The following HACD2 variants were observed in gnomAD, a reference collection of about 807,000 sequenced individuals.
HACD2 encodes the protein very-long-chain (3R)-3-hydroxyacyl-CoA dehydratase 2.
HACD2 carries 15 observed loss-of-function variants against 31.0 expected under a neutral mutation model. The observed-to-expected ratio is 0.48, with a 90% CI of 0.32 to 0.75. The LOEUF (loss-of-function observed/expected upper bound fraction) is 0.75, where lower values mean the gene tolerates loss of function less well. HACD2 is among the 30% of genes least tolerant of loss of function. HACD2 has a pLI of 0.03. For synonymous variants in HACD2, 115 were observed against 122.2 expected (o/e 0.94, Z 0.39); for missense variants, 283 against 313.0 (o/e 0.90, Z 0.72).
intron 6 of HACD2, among the ~76,000 whole-genome samples, chr3:123,496,783 C>A (rs185519219): frequency 2.0e-5 from 3 of 152,334 alleles, no homozygotes; most frequent in South Asian, 2.1e-4. Context: ...TGGGCATGCA[C>A]AAGACCTTCC....
At chr3:123,568,967 C>G (rs2056824034) in intron 2 of HACD2, among the ~76,000 whole-genome samples, 1 of 152,032 alleles carries the variant, frequency 6.6e-6, no homozygotes, top group Non-Finnish European at 1.5e-5. Flanking sequence ...CATATTATTT[C>G]ATTGTGCATT....
chr3:123,578,392 T>G (rs1201288279), intron 2 of HACD2, among the ~76,000 whole-genome samples: 1 of 152,112 alleles, frequency 6.6e-6, no homozygotes, highest in African/African-American at 2.4e-5. Context: ...CACCTCAGTC[T>G]CCTGATTAGC....
intron 4 of HACD2, among the ~76,000 whole-genome samples, chr3:123,522,340 A>G (rs1434219870): frequency 6.7e-6 from 1 of 148,226 alleles, no homozygotes; most frequent in Non-Finnish European, 1.5e-5. Flanking sequence ...AACAAAAAAA[A>G]AAAAAAAAAG....
chr3:123,497,437 C>G (rs1034660080), intron 6 of HACD2, among the ~76,000 whole-genome samples: 11 of 152,188 alleles, frequency 7.2e-5, no homozygotes, highest in African/African-American at 2.7e-4. Flanking sequence ...GGGCTCTCTT[C>G]CCCTCTGGGG....
chr3:123,521,993 C>A (rs1279071781), intron 4 of HACD2, among the ~76,000 whole-genome samples: 3 of 152,010 alleles, frequency 2.0e-5, no homozygotes, highest in Non-Finnish European at 4.4e-5. Flanking sequence ...GAGAAAGATG[C>A]AACATGGGAT....
intron 6 of HACD2, among the ~76,000 whole-genome samples, chr3:123,496,199 T>A (rs1262768141): frequency 2.0e-5 from 3 of 152,108 alleles, no homozygotes; most frequent in Non-Finnish European, 4.4e-5. Flanking sequence ...CTAATTTGAA[T>A]TTTTTGTAGA....
intron 3 of HACD2, among the ~76,000 whole-genome samples, chr3:123,542,960 G>A (rs2056511924): frequency 6.6e-6 from 1 of 152,206 alleles, no homozygotes; most frequent in African/African-American, 2.4e-5. Flanking sequence ...AAAATAAAAT[G>A]AAAACCTTCA....
At chr3:123,554,975 GA>G (rs2056659147) in intron 3 of HACD2, among the ~76,000 whole-genome samples, 1 of 152,098 alleles carries the variant, frequency 6.6e-6, no homozygotes, top group Admixed American at 6.5e-5. Context: ...AAGATGCAAG[GA>G]AAATTAGAAA....
chr3:123,518,995 TAAAAAAAAAAAAAA>T (rs67571643), intron 4 of HACD2, among the ~76,000 whole-genome samples: 1 of 42,482 alleles, frequency 2.4e-5, no homozygotes, highest in Non-Finnish European at 4.9e-5. Context: ...AGACTCCAAC[TAAAAAAAAAAAAAA>T]AAAAAAAAAA....
intron 3 of HACD2, among the ~76,000 whole-genome samples, chr3:123,540,036 A>C (rs193041480): frequency 2.0e-5 from 3 of 148,120 alleles, no homozygotes; most frequent in African/African-American, 5.0e-5. Context: ...ATGAGCCATG[A>C]TCACGCCACT....
At chr3:123,571,636 G>A (rs1245530335) in intron 2 of HACD2, among the ~76,000 whole-genome samples, 1 of 152,164 alleles carries the variant, frequency 6.6e-6, no homozygotes, top group Non-Finnish European at 1.5e-5. Flanking sequence ...GGATGAGCTT[G>A]AAAGTGGATT....
intron 3 of HACD2, among the ~76,000 whole-genome samples, chr3:123,533,949 GA>G (rs2056396124): frequency 6.6e-6 from 1 of 152,184 alleles, no homozygotes. Flanking sequence ...TATAACTTGA[GA>G]AATAGTTATG....
At chr3:123,501,672 C>T (rs1187221328) in intron 5 of HACD2, among the ~76,000 whole-genome samples, 1 of 152,208 alleles carries the variant, frequency 6.6e-6, no homozygotes, top group Non-Finnish European at 1.5e-5. Context: ...CAACAGACTT[C>T]CCTAACAACC....
At chr3:123,545,503 A>G (rs2056548829) in intron 3 of HACD2, among the ~76,000 whole-genome samples, 1 of 144,480 alleles carries the variant, frequency 6.9e-6, no homozygotes, top group African/African-American at 2.5e-5. Flanking sequence ...ATAAATAAAT[A>G]AATAAATAAA....
intron 3 of HACD2, among the ~76,000 whole-genome samples, chr3:123,530,146 G>A (rs2056340226): frequency 6.6e-6 from 1 of 152,026 alleles, no homozygotes; most frequent in Non-Finnish European, 1.5e-5. Context: ...AACTACCTAG[G>A]CACCTGTAAG....
At chr3:123,542,180 A>ATTG (rs1240374590) in intron 3 of HACD2, among the ~76,000 whole-genome samples, 2 of 149,814 alleles carry the variant, frequency 1.3e-5, no homozygotes, top group Non-Finnish European at 3.0e-5. Context: ...AAGAATACAA[A>ATTG]TTGTTTTTAT....
At chr3:123,545,715 A>G (rs1471311001) in intron 3 of HACD2, among the ~76,000 whole-genome samples, 2 of 141,888 alleles carry the variant, frequency 1.4e-5, no homozygotes, top group East Asian at 4.1e-4. Context: ...TAATAATAAG[A>G]TTTTTTTTTT....
At chr3:123,503,939 C>T (rs1339056251) in intron 4 of HACD2, among the ~76,000 whole-genome samples, 3 of 152,204 alleles carry the variant, frequency 2.0e-5, no homozygotes, top group Non-Finnish European at 4.4e-5. Context: ...GGTCCACCTA[C>T]ACAATGAAAT....
intron 3 of HACD2, among the ~76,000 whole-genome samples, chr3:123,545,970 C>T (rs2107726027): frequency 6.6e-6 from 1 of 152,072 alleles, no homozygotes; most frequent in Admixed American, 6.5e-5. Flanking sequence ...CTCAGCCTCC[C>T]AAAGTGCTGG....
Sources: allele counts gnomAD v4.1 joint callset (sites outside exome capture counted in the v4.1 genomes callset), GRCh38; gene constraint gnomAD v4.1.1; transcripts MANE v1.5; gene names NCBI Gene and HGNC (gene_info 2026-07-23, HGNC 2026-07-21).